Variants in RIC1 observed in about 807,000 individuals in gnomAD.
RIC1 encodes RIC1 partner of RAB6A GEF complex.
Under a neutral mutation model 169.0 loss-of-function variants are expected in RIC1, and 88 were observed. The observed-to-expected ratio is 0.52, with a 90% CI of 0.44 to 0.62. The LOEUF (loss-of-function observed/expected upper bound fraction) is 0.62, where lower values mean the gene tolerates loss of function less well. Among genes scored for constraint, RIC1 ranks in the 20% least tolerant of loss-of-function variants. The pLI is 0.00. For missense variants in RIC1, 1,877 were observed against 1,725.5 expected (o/e 1.09, Z -1.56); for synonymous variants, 790 against 601.5 (o/e 1.31, Z -4.59).
intron 1 of RIC1, among the ~76,000 whole-genome samples, chr9:5,639,239 A>G (rs1024084909): frequency 6.6e-6 from 1 of 152,174 alleles, no homozygotes; most frequent in Non-Finnish European, 1.5e-5. Context: ...ACTTATAGCT[A>G]TAAATTTCTC....
intron 3 of RIC1, among the ~76,000 whole-genome samples, chr9:5,694,988 T>C (rs1224486536): frequency 1.3e-5 from 2 of 152,208 alleles, no homozygotes; most frequent in East Asian, 3.8e-4. Context: ...GCCCTGCTGA[T>C]AGATCTTGTT....
At chr9:5,661,633 C>T (rs1344513835) in intron 2 of RIC1, among the ~76,000 whole-genome samples, 2 of 151,888 alleles carry the variant, frequency 1.3e-5, no homozygotes, top group Admixed American at 1.3e-4. Flanking sequence ...TGGCTGTCTG[C>T]TTGCCTGTTG....
chr9:5,749,265 G>T (rs1290954430), intron 12 of RIC1, among the ~76,000 whole-genome samples: 1 of 152,166 alleles, frequency 6.6e-6, no homozygotes, highest in Non-Finnish European at 1.5e-5. Flanking sequence ...CTTAGAATTC[G>T]CCTATTTGGC....
Position 5,757,489 on chromosome 9 carries a change from T to G in RIC1, c.1992+38T>G, listed in dbSNP as rs762487605. The G allele has an allele frequency of 2.5e-6, 4 of 1,609,368 alleles. No individual in the cohort carries two copies. In the Admixed American group the frequency reaches 5.0e-5, roughly 20 times the overall value. On this transcript the variant is annotated intron_variant, in intron 17 of 25. Transcript: ENST00000414202. Reference sequence around the variant, plus strand: ...TATCAAAGGTCTTTGGAGTTTACATTTCTGTTTTTAGTATTTGAGTCCATA... The same window carrying G: ...TATCAAAGGTCTTTGGAGTTTACATGTCTGTTTTTAGTATTTGAGTCCATA...
intron 3 of RIC1, among the ~76,000 whole-genome samples, chr9:5,711,777 C>T (rs1282519074): frequency 6.6e-6 from 1 of 152,052 alleles, no homozygotes. Context: ...TTCCTGTGTC[C>T]AAGTGTTCTC....
At chr9:5,769,391 T>A (rs1393262036) in intron 22 of RIC1, 135 bp downstream of exon 22, 2 of 1,587,920 alleles carry the variant, frequency 1.3e-6, no homozygotes, top group Non-Finnish European at 1.7e-6. Context: ...CAACTTTTTG[T>A]ACATGAGTTG....
intron 1 of RIC1, among the ~76,000 whole-genome samples, chr9:5,640,639 G>A (rs1233599622): frequency 6.6e-6 from 1 of 152,164 alleles, no homozygotes; most frequent in Non-Finnish European, 1.5e-5. Context: ...TACTCAAGTA[G>A]AAGGAGTTAT....
At chr9:5,715,085 A>G (rs1320337105) in intron 4 of RIC1, among the ~76,000 whole-genome samples, 1 of 152,194 alleles carries the variant, frequency 6.6e-6, no homozygotes, top group African/African-American at 2.4e-5. Context: ...AAAGAACACA[A>G]TTATTATTTG....
intron 1 of RIC1, among the ~76,000 whole-genome samples, chr9:5,655,622 GTTGT>G (rs1819052871): frequency 6.6e-6 from 1 of 151,832 alleles, no homozygotes; most frequent in Non-Finnish European, 1.5e-5. Flanking sequence ...TTTTATCTTG[GTTGT>G]TAGATTTGTT....
chr9:5,633,574 C>A (rs1260793823), intron 1 of RIC1, among the ~76,000 whole-genome samples: 1 of 152,148 alleles, frequency 6.6e-6, no homozygotes. Flanking sequence ...TTCCCCACTA[C>A]TGCCAGCTTT....
chr9:5,774,464 T>G lies in RIC1; in HGVS notation c.*218T>G. 2.3e-6 allele frequency: 1 copy of G among 435,112 alleles called. No homozygotes were observed. The allele number at this position is 435,112 out of a possible 1,614,324, so 27.0% of individuals were successfully genotyped here. On this transcript the variant is annotated 3_prime_UTR_variant, in exon 26 of 26. Transcript: ENST00000414202. ...TTCATAAAAAAATTTTAAGCTGCAG[T>G]GAAAAGTAAATATTGTACAGATGTA...
At chr9:5,762,749 T>C in intron 18 of RIC1, 89 bp downstream of exon 18, 1 of 1,458,416 alleles carries the variant, frequency 6.9e-7, no homozygotes, top group Non-Finnish European at 9.2e-7. Context: ...GAAGAGTATT[T>C]TATGATTTGG....
intron 6 of RIC1, among the ~76,000 whole-genome samples, chr9:5,726,423 C>T (rs1823990141): frequency 6.6e-6 from 1 of 152,132 alleles, no homozygotes; most frequent in African/African-American, 2.4e-5. Context: ...TTCCTCCATC[C>T]CTTTATTTTG....
intron 6 of RIC1, among the ~76,000 whole-genome samples, chr9:5,732,021 A>G (rs1223285625): frequency 6.6e-6 from 1 of 152,232 alleles, no homozygotes; most frequent in Non-Finnish European, 1.5e-5. Flanking sequence ...GGTGATGAGA[A>G]TAATTACAGT....
intron 4 of RIC1, among the ~76,000 whole-genome samples, chr9:5,717,958 G>A (rs542789660): frequency 6.6e-5 from 10 of 151,540 alleles, no homozygotes; most frequent in East Asian, 5.8e-4. Flanking sequence ...TGGCCAACAC[G>A]GCGAAACCTT....
chr9:5,774,045 C>T lies in RIC1; in HGVS notation c.4071C>T (p.Ala1357=), dbSNP rs527983176. The T allele has an allele frequency of 6.2e-7, 1 of 1,614,078 alleles. No individual in the cohort carries two copies. Among genetic ancestry groups the T allele is most frequent in the African/African-American group, 1.3e-5 (1 of 75,036 alleles). Reference sequence around the variant, plus strand: ...CAGAAGAGCAGGTCCAGCCAGATGCCTTCCAACCAATAACTATGGGTAAGA... The same window carrying T: ...CAGAAGAGCAGGTCCAGCCAGATGCTTTCCAACCAATAACTATGGGTAAGA... The part of the protein sequence containing the change: ...EITEEQVQPD[A]FQPITMGKTP... The change falls in exon 26 of 26, where the codon GCC becomes GCT. Residue 1357 remains alanine, a synonymous_variant. Transcript: ENST00000414202.
chr9:5,661,443 A>G (rs1242799493), intron 2 of RIC1, among the ~76,000 whole-genome samples: 3 of 152,196 alleles, frequency 2.0e-5, no homozygotes, highest in African/African-American at 7.2e-5. Flanking sequence ...CATTTTCACA[A>G]TATTGACTCT....
intron 6 of RIC1, among the ~76,000 whole-genome samples, chr9:5,729,849 C>CT (rs71487828): frequency 7.9e-4 from 118 of 150,034 alleles, no homozygotes; most frequent in South Asian, 1.5e-3. Context: ...AGAAAAAACT[C>CT]TTTTTTTTTT....
chr9:5,766,305 G>A (rs35806418), intron 21 of RIC1, among the ~76,000 whole-genome samples: 2,869 of 152,180 alleles, frequency 0.019, 30 homozygotes, highest in Non-Finnish European at 0.023. Flanking sequence ...CTTCCCAAAG[G>A]GCCGGGATTA....
Sources: gnomAD v4.1 joint callset for allele counts (sites outside exome capture counted in the v4.1 genomes callset) on GRCh38, gnomAD v4.1.1 for gene constraint, MANE v1.5 for transcripts, NCBI Gene and HGNC (gene_info 2026-07-23, HGNC 2026-07-21) for gene names.